The following HAUS3 variants were observed in gnomAD, a reference collection of about 807,000 sequenced individuals.
HAUS3 encodes the protein HAUS augmin like complex subunit 3, also known as HAUS augmin-like complex subunit 3.
In HAUS3, 36 loss-of-function variants were observed where a neutral mutation model predicts 55.2. The ratio of observed to expected loss-of-function variants is 0.65; its 90% CI spans 0.50 to 0.86. HAUS3 has a LOEUF of 0.86. HAUS3 is among the 40% of genes least tolerant of loss of function. The pLI is 0.00. For synonymous variants in HAUS3, 234 were observed against 238.6 expected, an observed-to-expected ratio of 0.98 and a Z score of 0.18; for missense variants, 752 against 671.5, an observed-to-expected ratio of 1.12 and a Z score of -1.33.
chr4:2,232,503 T>A (rs1734619179), intron 5 of HAUS3, among the ~76,000 whole-genome samples: 1 of 152,230 alleles, frequency 6.6e-6, no homozygotes, highest in South Asian at 2.1e-4. Flanking sequence ...AAAATCTCCC[T>A]GATGGAGCTT....
At position 2,240,169 on chromosome 4, in the gene HAUS3, GTCGTC is replaced by G. The variant is rs751518307; in HGVS notation, c.773_777del (p.Arg258ThrfsTer5). The G allele has an allele frequency of 6.2e-7, 1 of 1,613,988 alleles. No homozygotes were observed. The highest frequency in any genetic ancestry group is 8.5e-7 in the Non-Finnish European group (1 of 1,179,876). On this transcript the variant is annotated frameshift_variant, in exon 3 of 6. Transcript: ENST00000443786. LOFTEE classifies it high-confidence loss of function. Reference sequence around the variant, plus strand: ...GCGAGCTGCAGTCTAGCCATCTCTAGTCGTCTCTCCTCAAGGATTTCTTGATTATC... The same window carrying G: ...GCGAGCTGCAGTCTAGCCATCTCTAGTCTCCTCAAGGATTTCTTGATTATC...
At chr4:2,236,718 C>T (rs929153890) in intron 4 of HAUS3, among the ~76,000 whole-genome samples, 1 of 151,848 alleles carries the variant, frequency 6.6e-6, no homozygotes, top group African/African-American at 2.4e-5. Context: ...AAAAAGTTAG[C>T]CGGGCATGGC....
chr4:2,242,069 C>G lies in HAUS3; in HGVS notation c.-437G>C. 2.0e-6 allele frequency: 2 copies of G among 985,792 alleles called. No homozygotes were observed. Among genetic ancestry groups the G allele is most frequent in the South Asian group, 9.4e-5 (2 of 21,332 alleles). 61.1% of individuals were successfully genotyped at this position (985,792 alleles called of 1,614,324 possible). A position where few individuals can be genotyped will look rare whatever the true frequency, so the allele number is the denominator to read the frequency against. ...CAGTCACCTCAGGAAGTTCCGCTTGCTTCTCGCAGGAGCCCGCCGCCACCG... is the reference window on the plus strand; with the variant it reads ...CAGTCACCTCAGGAAGTTCCGCTTGGTTCTCGCAGGAGCCCGCCGCCACCG... On this transcript the variant is annotated 5_prime_UTR_variant, in exon 1 of 6. Transcript: ENST00000443786.
chr4:2,240,520 C>A lies in HAUS3; in HGVS notation c.427G>T (p.Glu143Ter). 1 of 1,612,910 alleles carries A rather than the reference C, an allele frequency of 6.2e-7. No individual in the cohort carries two copies. The highest frequency in any genetic ancestry group is 8.5e-7 in the Non-Finnish European group (1 of 1,179,726). ...KSLRLNAKEE[E>*]ATKKLKQSQG... ...CTCTGCTTCAGCTTTTTAGTGGCTTCTTCTTCTTTAGCATTTAACCTCAGA... is the reference window on the plus strand; with the variant it reads ...CTCTGCTTCAGCTTTTTAGTGGCTTATTCTTCTTTAGCATTTAACCTCAGA... Residue 143 changes from glutamate (E) to a stop codon, truncating the protein, a stop_gained, in exon 3 of 6, where the codon GAA becomes TAA. Coordinates refer to ENST00000443786, the MANE Select transcript of HAUS3 (RefSeq NM_001303143.2). LOFTEE classifies it high-confidence loss of function.
intron 5 of HAUS3, among the ~76,000 whole-genome samples, chr4:2,234,665 T>TA (rs1734695391): frequency 6.6e-6 from 1 of 152,080 alleles, no homozygotes; most frequent in Non-Finnish European, 1.5e-5. Context: ...TGCCTTACAT[T>TA]ACTAAGCAAA....
intron 4 of HAUS3, among the ~76,000 whole-genome samples, chr4:2,236,683 AC>A (rs910565907): frequency 1.1e-4 from 16 of 151,686 alleles, no homozygotes; most frequent in East Asian, 1.9e-4. Flanking sequence ...ACATGGTGAA[AC>A]CCCATCTCCA....
rs1342743046 is a variant in HAUS3, at chr4:2,242,072, C to G, written c.-440G>C. Reference sequence around the variant, plus strand: ...TCACCTCAGGAAGTTCCGCTTGCTTCTCGCAGGAGCCCGCCGCCACCGCCC... The same window carrying G: ...TCACCTCAGGAAGTTCCGCTTGCTTGTCGCAGGAGCCCGCCGCCACCGCCC... On this transcript the variant is annotated 5_prime_UTR_variant, in exon 1 of 6. Transcript: ENST00000443786. 1.0e-6 allele frequency: 1 copy of G among 985,654 alleles called. No individual in the cohort carries two copies. Among genetic ancestry groups the G allele is most frequent in the Non-Finnish European group, 1.2e-6 (1 of 830,176 alleles). The allele number at this position is 985,654 out of a possible 1,614,324, so 61.1% of individuals were successfully genotyped here.
At chr4:2,234,052 CA>C (rs1734672346) in intron 5 of HAUS3, among the ~76,000 whole-genome samples, 1 of 150,850 alleles carries the variant, frequency 6.6e-6, no homozygotes. Flanking sequence ...CAAGAGCAAA[CA>C]AAAGAAAAAA....
In HAUS3 at chr4:2,228,904, T is replaced by A. The variant is rs1404999709; in HGVS notation, c.*3023A>T. 1 of 452,856 alleles carries A rather than the reference T, an allele frequency of 2.2e-6. No homozygotes were observed. Among genetic ancestry groups the A allele is most frequent in the South Asian group, 4.3e-5 (1 of 23,356 alleles). The allele number at this position is 452,856 out of a possible 1,614,324, so 28.1% of individuals were successfully genotyped here. ...AATACCTGGAATAAGGAAGAGAGTG[T>A]TACATTTTTAAAGCAATGAAGGTTA... is the stretch of plus-strand genomic sequence containing the variant. On this transcript the variant is annotated 3_prime_UTR_variant, in exon 6 of 6. Transcript: ENST00000443786.
In HAUS3 at chr4:2,242,102, T is replaced by A. The variant is rs1326479017; in HGVS notation, c.-470A>T. ...AGGAGCCCGCCGCCACCGCCCTCCGTGCCCCGCGCGCCTCGCACTGCCTCA... is the reference window on the plus strand; with the variant it reads ...AGGAGCCCGCCGCCACCGCCCTCCGAGCCCCGCGCGCCTCGCACTGCCTCA... On this transcript the variant is annotated 5_prime_UTR_variant, in exon 1 of 6. Transcript: ENST00000443786. The A allele has an allele frequency of 1.0e-6, 1 of 985,882 alleles. No individual in the cohort carries two copies. Among genetic ancestry groups the A allele is most frequent in the East Asian group, 1.1e-4 (1 of 8,814 alleles). The allele number at this position is 985,882 out of a possible 1,614,324, so 61.1% of individuals were successfully genotyped here. A position where few individuals can be genotyped will look rare whatever the true frequency, so the allele number is the denominator to read the frequency against.
intron 3 of HAUS3, among the ~76,000 whole-genome samples, 162 bp downstream of exon 3, chr4:2,239,876 T>C (rs138685350): frequency 1.3e-5 from 2 of 152,352 alleles, no homozygotes; most frequent in East Asian, 3.8e-4. Flanking sequence ...TGGAACTATT[T>C]GTATGAAACA....
rs1735001275 is a variant in HAUS3, at chr4:2,241,851, G to A, written c.-418-61C>T. Reference sequence around the variant, plus strand: ...GTCGACACCGAGCTGCAGAAGACGGGGGTGACAGGCCCCGCACAGCCCCCG... The same window carrying A: ...GTCGACACCGAGCTGCAGAAGACGGAGGTGACAGGCCCCGCACAGCCCCCG... On this transcript the variant is annotated intron_variant, in intron 1 of 5. Transcript: ENST00000443786. 6 of 985,414 alleles carry A rather than the reference G, an allele frequency of 6.1e-6. No homozygotes were observed. In the South Asian group the frequency reaches 2.8e-4, roughly 46 times the overall value. 61.0% of individuals were successfully genotyped at this position (985,414 alleles called of 1,614,324 possible). A position where few individuals can be genotyped will look rare whatever the true frequency, so the allele number is the denominator to read the frequency against.
intron 3 of HAUS3, among the ~76,000 whole-genome samples, chr4:2,239,800 T>C (rs1320580669): frequency 6.6e-6 from 1 of 152,252 alleles, no homozygotes; most frequent in Non-Finnish European, 1.5e-5. Context: ...TAAAGCACTT[T>C]TGTTTAAAAT....
intron 4 of HAUS3, among the ~76,000 whole-genome samples, chr4:2,237,680 A>G (rs753711147): frequency 6.6e-6 from 1 of 152,194 alleles, no homozygotes; most frequent in Non-Finnish European, 1.5e-5. Context: ...TAACCTACCT[A>G]TATTACAGGA....
rs1734494596 is a variant in HAUS3 at position 2,229,326 on chromosome 4, T to G, written c.*2601A>C. 2.8e-6 allele frequency: 3 copies of G among 1,087,594 alleles called. No homozygotes were observed. Among genetic ancestry groups the G allele is most frequent in the Non-Finnish European group, 3.8e-6 (3 of 784,386 alleles). The allele number at this position is 1,087,594 out of a possible 1,614,324, so 67.4% of individuals were successfully genotyped here. A position where few individuals can be genotyped will look rare whatever the true frequency, so the allele number is the denominator to read the frequency against. On this transcript the variant is annotated 3_prime_UTR_variant, in exon 6 of 6. Coordinates refer to ENST00000443786, the MANE Select transcript of HAUS3 (RefSeq NM_001303143.2). ...AGGAAATACAATTATTTTCAAAAAT[T>G]TATATACCAACTTTCATTTAAAATG...
Position 2,240,893 on chromosome 4 carries a change from T to C in HAUS3, c.54A>G (p.Lys18=). ...AGTCTTCTCCATTAAGATTATCAGC[T>C]TTGGGATAACCAATTTTTTTTAATG... ...VETLKKIGYP[K]ADNLNGEDFD... is the part of the protein sequence containing the mutation. Residue 18 remains lysine (K), a synonymous_variant, in exon 3 of 6, where the codon AAA becomes AAG. Coordinates refer to ENST00000443786, the MANE Select transcript of HAUS3 (RefSeq NM_001303143.2). 1 of 1,604,040 alleles carries C rather than the reference T, an allele frequency of 6.2e-7. No individual in the cohort carries two copies. The highest frequency in any genetic ancestry group is 8.5e-7 in the Non-Finnish European group (1 of 1,178,774).
Position 2,229,180 on chromosome 4 carries a change from A to AGAGC in HAUS3, c.*2743_*2746dup. 6.2e-7 allele frequency: 1 copy of AGAGC among 1,610,864 alleles called. No individual in the cohort carries two copies. The highest frequency in any genetic ancestry group is 8.5e-7 in the Non-Finnish European group (1 of 1,177,098). ...GACATAATCTTCTGAGCAACACTGG[A>AGAGC]GAGCGGTGTATTACAGAGATCAAAG... On this transcript the variant is annotated 3_prime_UTR_variant, in exon 6 of 6. Coordinates refer to ENST00000443786, the MANE Select transcript of HAUS3 (RefSeq NM_001303143.2).
chr4:2,233,339 T>C (rs1734649296), intron 5 of HAUS3, among the ~76,000 whole-genome samples: 1 of 152,208 alleles, frequency 6.6e-6, no homozygotes, highest in Non-Finnish European at 1.5e-5. Flanking sequence ...TTAAAATTGA[T>C]ACGGCATTTT....
rs999525059 is a variant in HAUS3, at chr4:2,229,876, A to G, written c.*2051T>C. The G allele has an allele frequency of 1.3e-5, 2 of 152,268 alleles. No homozygotes were observed. Among genetic ancestry groups the G allele is most frequent in the African/African-American group, 4.8e-5 (2 of 41,466 alleles). The allele number at this position is 152,268 out of a possible 1,614,324, so 9.4% of individuals were successfully genotyped here. On this transcript the variant is annotated 3_prime_UTR_variant, in exon 6 of 6. Coordinates refer to ENST00000443786, the MANE Select transcript of HAUS3 (RefSeq NM_001303143.2). The stretch of plus-strand genomic sequence containing the variant: ...AATAAATCTTCAAATAAACCTACCT[A>G]GTAACACAACGATTATAAGTAACTT...
Sources: gnomAD v4.1 joint callset for allele counts (sites outside exome capture counted in the v4.1 genomes callset) on GRCh38, gnomAD v4.1.1 for gene constraint, MANE v1.5 for transcripts, NCBI Gene and HGNC (gene_info 2026-07-23, HGNC 2026-07-21) for gene names.